Variants in AFTPH observed in about 807,000 individuals in gnomAD.
The protein encoded by AFTPH is aftiphilin.
AFTPH carries 7 observed loss-of-function variants against 72.5 expected under a neutral mutation model. The ratio of observed to expected loss-of-function variants is 0.10; its 90% CI spans 0.05 to 0.18. The LOEUF is 0.18. Among genes scored for constraint, AFTPH ranks in the 10% least tolerant of loss-of-function variants. The pLI is 1.00. For missense variants in AFTPH, 979 were observed against 1,060.5 expected (o/e 0.92, Z 1.07); for synonymous variants, 337 against 370.1 (o/e 0.91, Z 1.03).
At chr2:64,567,232 A>G (rs1219502698) in intron 2 of AFTPH, among the ~76,000 whole-genome samples, 3 of 152,344 alleles carry the variant, frequency 2.0e-5, no homozygotes, top group South Asian at 4.1e-4. Context: ...TTATTCAGAC[A>G]TTGAGATTGC....
Position 64,552,575 on chromosome 2 carries a change from C to A in AFTPH, c.1101C>A (p.His367Gln), listed in dbSNP as rs771732553. The A allele has an allele frequency of 3.1e-6, 5 of 1,614,110 alleles. No individual in the cohort carries two copies. The South Asian group carries it at 4.4e-5, about 14-fold the overall frequency. Residue 367 changes from histidine (H) to glutamine (Q), a missense_variant, in exon 2 of 9, where the codon CAC becomes CAA. His to Gln is a conservative substitution (Grantham distance 24, BLOSUM62 0). Transcript: ENST00000238856. ...ACTTACTTACTTCTAAATGTGCTCA[C>A]CTATGCATGGATTCTGTTAAAACTT...
chr2:64,589,129 T>A (rs1209087816), intron 8 of AFTPH, among the ~76,000 whole-genome samples: 2 of 152,226 alleles, frequency 1.3e-5, no homozygotes, highest in African/African-American at 4.8e-5. Flanking sequence ...CAATTCATGG[T>A]CACAAAGATT....
intron 2 of AFTPH, among the ~76,000 whole-genome samples, chr2:64,556,332 A>G (rs1048595428): frequency 1.3e-5 from 2 of 152,180 alleles, no homozygotes; most frequent in African/African-American, 4.8e-5. Flanking sequence ...TTTAGTGGTA[A>G]AAGTTGAAAT....
chr2:64,575,693 A>ATG (rs1463303741), intron 6 of AFTPH, among the ~76,000 whole-genome samples: 3 of 135,434 alleles, frequency 2.2e-5, no homozygotes, highest in Admixed American at 8.4e-5. Context: ...ATATATATGT[A>ATG]TGTGTGTATA....
chr2:64,579,604 TCAGA>T, intron 7 of AFTPH, 58 bp downstream of exon 7: 1 of 1,427,824 alleles, frequency 7.0e-7, no homozygotes. Context: ...GCTACAAAGT[TCAGA>T]CAAACTTCTC....
intron 4 of AFTPH, 59 bp from the exon 5 acceptor site, chr2:64,569,564 T>A: frequency 6.4e-7 from 1 of 1,554,618 alleles, no homozygotes; most frequent in Non-Finnish European, 8.9e-7. Flanking sequence ...TGGAAACTAT[T>A]TCATTGTATG....
exon 2 of AFTPH, chr2:64,552,276 A>G (rs1449458368): frequency 6.2e-7 from 1 of 1,613,982 alleles, no homozygotes; most frequent in Non-Finnish European, 8.5e-7. Context: ...CAATAAAATT[A>G]ATAGAGTCAA....
At chr2:64,581,149 T>C in intron 7 of AFTPH, 41 bp from the exon 8 acceptor site, 2 of 1,508,052 alleles carry the variant, frequency 1.3e-6, no homozygotes, top group Non-Finnish European at 1.8e-6. Flanking sequence ...TTGGCTTACC[T>C]TCTGTGTGGC....
At chr2:64,567,437 T>C (rs934381095) in intron 2 of AFTPH, 125 bp from the exon 3 acceptor site, 5 of 939,282 alleles carry the variant, frequency 5.3e-6, no homozygotes, top group Non-Finnish European at 7.8e-6. Context: ...CTCAGTGTTT[T>C]CTGATGGTTC....
chr2:64,541,424 C>A (rs547985604), intron 1 of AFTPH, among the ~76,000 whole-genome samples: 2 of 151,520 alleles, frequency 1.3e-5, no homozygotes, highest in Admixed American at 6.6e-5. Context: ...ATGCTAAGAA[C>A]AAAAGAAAAA....
chr2:64,558,764 A>G (rs184268050), intron 2 of AFTPH, among the ~76,000 whole-genome samples: 22 of 152,312 alleles, frequency 1.4e-4, no homozygotes, highest in African/African-American at 4.8e-4. Flanking sequence ...TCTTTTTGCA[A>G]TCTACTTATT....
At chr2:64,548,401 A>T (rs1204377966) in intron 1 of AFTPH, among the ~76,000 whole-genome samples, 4 of 140,454 alleles carry the variant, frequency 2.8e-5, no homozygotes, top group East Asian at 2.1e-4. Context: ...CTCCGTCTCA[A>T]AAAAAGAAAA....
chr2:64,527,352 G>A (rs1669338269), intron 1 of AFTPH, among the ~76,000 whole-genome samples: 1 of 152,150 alleles, frequency 6.6e-6, no homozygotes, highest in Admixed American at 6.5e-5. Flanking sequence ...AGACCGGGGT[G>A]GGCAGATCAC....
At chr2:64,560,185 C>T (rs977055973) in intron 2 of AFTPH, among the ~76,000 whole-genome samples, 24 of 152,134 alleles carry the variant, frequency 1.6e-4, no homozygotes, top group African/African-American at 5.8e-4. Context: ...GATTAAATGG[C>T]TTACTTGCAC....
chr2:64,571,942 G>A (rs909518270), intron 5 of AFTPH, among the ~76,000 whole-genome samples: 19 of 152,132 alleles, frequency 1.2e-4, no homozygotes, highest in East Asian at 7.7e-4. Context: ...TAGGCCGGGC[G>A]TGGTGGCTCA....
intron 6 of AFTPH, among the ~76,000 whole-genome samples, chr2:64,577,723 T>TTA (rs933199613): frequency 5.3e-5 from 8 of 152,178 alleles, no homozygotes; most frequent in African/African-American, 1.9e-4. Flanking sequence ...TGCAGGTAGG[T>TTA]TATAAACTAG....
At chr2:64,530,323 C>T (rs932242181) in intron 1 of AFTPH, among the ~76,000 whole-genome samples, 1 of 152,100 alleles carries the variant, frequency 6.6e-6, no homozygotes, top group East Asian at 1.9e-4. Flanking sequence ...AACTAATATT[C>T]AAGGCCATAT....
At chr2:64,582,045 C>T (rs961379174) in intron 7 of AFTPH, among the ~76,000 whole-genome samples, 2 of 152,144 alleles carry the variant, frequency 1.3e-5, no homozygotes, top group Non-Finnish European at 2.9e-5. Flanking sequence ...ATTATAATGG[C>T]ATTTTTATGT....
chr2:64,539,370 G>C (rs1021393707), intron 1 of AFTPH, among the ~76,000 whole-genome samples: 1 of 151,790 alleles, frequency 6.6e-6, no homozygotes, highest in African/African-American at 2.4e-5. Flanking sequence ...TTGTCATTTA[G>C]CTAGGGTTTT....
Sources: gnomAD v4.1 joint callset for allele counts (sites outside exome capture counted in the v4.1 genomes callset) on GRCh38, gnomAD v4.1.1 for gene constraint, MANE v1.5 for transcripts, NCBI Gene and HGNC (gene_info 2026-07-23, HGNC 2026-07-21) for gene names.